Variants in SRC observed in about 807,000 individuals in gnomAD.
SRC encodes proto-oncogene tyrosine-protein kinase Src.
Under a neutral mutation model 62.9 loss-of-function variants are expected in SRC, and 13 were observed. The ratio of observed to expected loss-of-function variants is 0.21; its 90% CI spans 0.13 to 0.33. The LOEUF (loss-of-function observed/expected upper bound fraction) is 0.33. SRC is among the 10% of genes least tolerant of loss of function. SRC has a pLI of 1.00. For missense variants in SRC, 457 were observed against 737.3 expected (o/e 0.62, Z 4.40); for synonymous variants, 302 against 317.5 (o/e 0.95, Z 0.52).
Position 37,402,429 on chromosome 20 carries a change from C to T in SRC, c.1117-6C>T, listed in dbSNP as rs773160634. 9 of 1,611,086 alleles carry T rather than the reference C, an allele frequency of 5.6e-6. No homozygotes were observed. The East Asian group carries it at 2.0e-4, about 36-fold the overall frequency. ...CTGAGCCAGGCTCCCACGGTTCCGC[C>T]TGCAGATCGCCTCAGGCATGGCGTA... On this transcript the variant is annotated splice_region_variant and splice_polypyrimidine_tract_variant and intron_variant, in intron 11 of 13. Transcript: ENST00000373578. This position sits in a 1 kb window ranked among gnomAD's most constrained non-coding sequence, Gnocchi z 6.2.
intron 1 of SRC, among the ~76,000 whole-genome samples, chr20:37,361,534 G>A (rs1041160554): frequency 6.6e-6 from 1 of 152,252 alleles, no homozygotes; most frequent in African/African-American, 2.4e-5. Flanking sequence ...GATACTGCAT[G>A]GGTGTGGGCG....
At position 37,393,973 on chromosome 20, in the gene SRC, C is replaced by T. The variant is rs781322280; in HGVS notation, c.429C>T (p.Ser143=). The change falls in exon 6 of 14, where the codon TCC becomes TCT. Residue 143 remains serine (S), a synonymous_variant. Coordinates refer to ENST00000373578, the MANE Select transcript of SRC (RefSeq NM_198291.3). ...GYIPSNYVAP[S]DSIQAEEWYF... ...TCCCCAGCAACTACGTGGCGCCCTC[C>T]GACTCCATCCAGGCTGAGGAGTGAG... The T allele has an allele frequency of 3.3e-5, 53 of 1,614,052 alleles. No individual in the cohort carries two copies. Among genetic ancestry groups the T allele is most frequent in the Admixed American group, 2.7e-4 (16 of 60,030 alleles).
At chr20:37,386,008 G>C (rs967033337) in intron 4 of SRC, 67 bp from the exon 5 acceptor site, 1 of 1,296,162 alleles carries the variant, frequency 7.7e-7, no homozygotes, top group Non-Finnish European at 1.1e-6. Flanking sequence ...TGGGTACAGG[G>C]CCATCCTGCC....
chr20:37,371,948 C>T (rs139982681), intron 2 of SRC, among the ~76,000 whole-genome samples: 2 of 152,116 alleles, frequency 1.3e-5, no homozygotes, highest in Non-Finnish European at 2.9e-5. Flanking sequence ...AATCCGCCCC[C>T]CCTTGGTCTC....
intron 2 of SRC, among the ~76,000 whole-genome samples, chr20:37,373,912 G>A (rs762766041): frequency 3.7e-4 from 56 of 152,078 alleles, no homozygotes; most frequent in Non-Finnish European, 6.0e-4. Context: ...AAGGTTTACT[G>A]TCTGGTTGGG....
intron 7 of SRC, 77 bp downstream of exon 7, chr20:37,394,354 G>A: frequency 1.4e-6 from 2 of 1,384,216 alleles, no homozygotes; most frequent in East Asian, 2.3e-5. Flanking sequence ...GAATGAGCAG[G>A]AGTTTGGTTT....
At chr20:37,377,803 C>G (rs2070300158) in intron 2 of SRC, among the ~76,000 whole-genome samples, 1 of 152,166 alleles carries the variant, frequency 6.6e-6, no homozygotes, top group Non-Finnish European at 1.5e-5. Flanking sequence ...ATTTTCCTCT[C>G]CCCATCCCAC....
intron 1 of SRC, among the ~76,000 whole-genome samples, chr20:37,363,171 G>A (rs1032844280): frequency 2.6e-5 from 4 of 152,192 alleles, no homozygotes; most frequent in Non-Finnish European, 4.4e-5. Flanking sequence ...CTGTGGGAAG[G>A]GCCACTGTTC....
chr20:37,373,268 GCACA>G (rs10535931), intron 2 of SRC, among the ~76,000 whole-genome samples: 14,046 of 149,990 alleles, frequency 0.094, 708 homozygotes, highest in South Asian at 0.11. Flanking sequence ...ATGTACATAC[GCACA>G]CACACACACA....
At chr20:37,352,121 G>C (rs1334913041) in intron 1 of SRC, among the ~76,000 whole-genome samples, 1 of 152,236 alleles carries the variant, frequency 6.6e-6, no homozygotes, top group Admixed American at 6.5e-5. Context: ...CTTGTTTGCT[G>C]TGTATGATTG....
Position 37,402,311 on chromosome 20 carries a change from A to C in SRC, c.1117-124A>C. The stretch of plus-strand genomic sequence containing the variant: ...ACAGCATTTACTGTGAACTGACCTC[A>C]CTTGCCTGAAGAAGTGTGGGGAGGG... On this transcript the variant is annotated intron_variant, in intron 11 of 13. Coordinates refer to ENST00000373578, the MANE Select transcript of SRC (RefSeq NM_198291.3). This position sits in a 1 kb window ranked among gnomAD's most constrained non-coding sequence, Gnocchi z 6.2. 8.2e-7 allele frequency: 1 copy of C among 1,219,934 alleles called. No homozygotes were observed. Among genetic ancestry groups the C allele is most frequent in the Non-Finnish European group, 1.1e-6 (1 of 870,364 alleles). 75.6% of individuals were successfully genotyped at this position (1,219,934 alleles called of 1,614,324 possible). A position where few individuals can be genotyped will look rare whatever the true frequency, so the allele number is the denominator to read the frequency against.
intron 2 of SRC, among the ~76,000 whole-genome samples, chr20:37,367,813 A>C (rs959839074): frequency 6.7e-6 from 1 of 150,238 alleles, no homozygotes; most frequent in Non-Finnish European, 1.5e-5. Flanking sequence ...CGCCTGGCTA[A>C]TTTTTAAAAA....
At chr20:37,395,454 C>T (rs1042690923) in intron 7 of SRC, among the ~76,000 whole-genome samples, 3 of 152,240 alleles carry the variant, frequency 2.0e-5, no homozygotes, top group Non-Finnish European at 4.4e-5. Flanking sequence ...GGCCTCTGGT[C>T]CTACCCAGGC....
At chr20:37,349,116 C>T (rs564871212) in intron 1 of SRC, among the ~76,000 whole-genome samples, 5 of 152,212 alleles carry the variant, frequency 3.3e-5, no homozygotes, top group Non-Finnish European at 7.4e-5. Flanking sequence ...TGTGAACAGC[C>T]CCAAGCTGGA....
chr20:37,384,481 CG>C lies in SRC; in HGVS notation c.250+79del, dbSNP rs1831336230. The stretch of plus-strand genomic sequence containing the variant: ...GGCGGCGGGGCTGTGTGCCCGGGGT[CG>C]CCCCCTCTGCGCAGGCCCTTCCTCT... On this transcript the variant is annotated intron_variant, in intron 4 of 13. Transcript: ENST00000373578. The surrounding 1 kb of genome is among the most constrained non-coding windows in gnomAD (Gnocchi z 6.7). 27 of 1,274,986 alleles carry C rather than the reference CG, an allele frequency of 2.1e-5. No homozygotes were observed. Among genetic ancestry groups the C allele is most frequent in the Non-Finnish European group, 2.7e-5 (27 of 1,015,900 alleles). 79.0% of individuals were successfully genotyped at this position (1,274,986 alleles called of 1,614,324 possible). A position where few individuals can be genotyped will look rare whatever the true frequency, so the allele number is the denominator to read the frequency against.
chr20:37,353,274 T>G (rs1422882021), intron 1 of SRC, among the ~76,000 whole-genome samples: 1 of 152,016 alleles, frequency 6.6e-6, no homozygotes, highest in Admixed American at 6.6e-5. Flanking sequence ...ACTGGACTCT[T>G]TCCCCACTGA....
intron 2 of SRC, among the ~76,000 whole-genome samples, chr20:37,370,160 T>C (rs1287960256): frequency 6.6e-6 from 1 of 152,244 alleles, no homozygotes; most frequent in Non-Finnish European, 1.5e-5. Context: ...TCTATCGTTT[T>C]TGTCATGAAG....
At chr20:37,378,274 C>T (rs920260226) in intron 2 of SRC, among the ~76,000 whole-genome samples, 5 of 151,296 alleles carry the variant, frequency 3.3e-5, no homozygotes, top group African/African-American at 1.2e-4. Flanking sequence ...GTGATCCCCC[C>T]ACCTCAGCCT....
chr20:37,388,201 C>T lies in SRC; in HGVS notation c.350+2027C>T, dbSNP rs922525791. Among the ~76,000 whole-genome samples, 7 of 151,644 alleles carry T rather than the reference C, an allele frequency of 4.6e-5. No homozygotes were observed. The East Asian group carries it at 5.8e-4, about 13-fold the overall frequency. On this transcript the variant is annotated intron_variant, in intron 5 of 13. Coordinates refer to ENST00000373578, the MANE Select transcript of SRC (RefSeq NM_198291.3). The stretch of plus-strand genomic sequence containing the variant: ...AGGAAGGGCTGGGAGAACTTTGGTT[C>T]TGCCTTTTTCACCTGGATTCAGAGA...
Sources: allele counts gnomAD v4.1 joint callset (sites outside exome capture counted in the v4.1 genomes callset), GRCh38; gene constraint gnomAD v4.1.1; non-coding constraint Gnocchi (gnomAD v3.1); transcripts MANE v1.5; gene names NCBI Gene and HGNC (gene_info 2026-07-23, HGNC 2026-07-21).